The following CAB39L variants were observed in gnomAD, a reference collection of about 807,000 sequenced individuals.
CAB39L encodes the protein calcium binding protein 39 like.
A neutral mutation model predicts 39.1 loss-of-function variants in CAB39L; 23 were observed. The observed-to-expected ratio is 0.59, with a 90% CI of 0.42 to 0.83. The LOEUF is 0.83. Among genes scored for constraint, CAB39L ranks in the 40% least tolerant of loss-of-function variants. The pLI, the probability that CAB39L is intolerant of heterozygous loss-of-function variation, is 0.00. For missense variants in CAB39L, 366 were observed against 391.9 expected (o/e 0.93, Z 0.56); for synonymous variants, 126 against 137.2 (o/e 0.92, Z 0.57).
intron 10 of CAB39L, among the ~76,000 whole-genome samples, chr13:49,322,646 T>C (rs960441698): frequency 1.3e-5 from 2 of 152,206 alleles, no homozygotes; most frequent in South Asian, 4.1e-4. Context: ...AAAGAGGAAT[T>C]CATACTTCTA....
rs1217176667 is a variant in CAB39L at position 49,378,159 on chromosome 13, G to A, written c.112-1028C>T. The stretch of plus-strand genomic sequence containing the variant: ...AAGTGAGGAGCCCCTCCGCCCGGCA[G>A]CCGCCCCGTCTGAGAAGTGAGGAGC... On this transcript the variant is annotated intron_variant, in intron 4 of 10. Coordinates refer to ENST00000409308, the MANE Select transcript of CAB39L (RefSeq NM_001079670.3). Among the ~76,000 whole-genome samples the A allele has an allele frequency of 1.9e-3, 152 of 79,930 alleles. 26 individuals are homozygous for A. Among genetic ancestry groups the A allele is most frequent in the Non-Finnish European group, 3.0e-4 (12 of 40,066 alleles). 52.4% of individuals were successfully genotyped at this position (79,930 alleles called of 152,430 possible).
chr13:49,441,219 G>GTATATATATATATATA (rs1259284077), intron 1 of CAB39L, among the ~76,000 whole-genome samples: 1 of 99,680 alleles, frequency 1.0e-5, no homozygotes, highest in African/African-American at 9.6e-5. Flanking sequence ...TAATGATTTA[G>GTATATATATATATATA]TGTATATATA....
At chr13:49,378,686 A>G (rs1201150926) in intron 4 of CAB39L, among the ~76,000 whole-genome samples, 77 of 26,402 alleles carry the variant, frequency 2.9e-3, no homozygotes, top group African/African-American at 5.6e-3. Context: ...CCCTCTGCCC[A>G]GCCAGCCGCC....
At chr13:49,439,544 A>G (rs57318076) in intron 1 of CAB39L, among the ~76,000 whole-genome samples, 9,561 of 152,274 alleles carry the variant, frequency 0.063, 442 homozygotes, top group East Asian at 0.15. Flanking sequence ...GACTAGCACT[A>G]TGATGAACAT....
chr13:49,310,877 C>T lies in CAB39L; in HGVS notation c.951G>A (p.Gln317=), dbSNP rs74074542. The T allele has an allele frequency of 1.7e-3, 2,679 of 1,614,186 alleles. 58 individuals are homozygous for T. The African/African-American group carries it at 0.032, about 19-fold the overall frequency. The change falls in exon 11 of 11, where the codon CAG becomes CAA. Residue 317 remains glutamine (Q), a synonymous_variant. Transcript: ENST00000409308. ...TCAAGTAGTTCTTCTCGTCAGCGAA[C>T]TGCTCATCATCCGTCCTTTCTTTTT... The part of the protein sequence containing the change: ...SFQKERTDDE[Q]FADEKNYLIK...
intron 3 of CAB39L, among the ~76,000 whole-genome samples, chr13:49,394,116 A>T (rs1357721919): frequency 6.6e-6 from 1 of 151,764 alleles, no homozygotes; most frequent in Non-Finnish European, 1.5e-5. Context: ...GATAAATAAT[A>T]AAAAAAATTA....
chr13:49,338,531 T>C (rs1196499094), intron 9 of CAB39L, among the ~76,000 whole-genome samples: 1 of 149,364 alleles, frequency 6.7e-6, no homozygotes, highest in Admixed American at 6.6e-5. Flanking sequence ...GGGATAGCAT[T>C]GGGAGATATA....
intron 10 of CAB39L, among the ~76,000 whole-genome samples, chr13:49,330,270 AT>A (rs1273606277): frequency 6.6e-6 from 1 of 152,102 alleles, no homozygotes; most frequent in East Asian, 1.9e-4. Context: ...CCACTTTCCT[AT>A]TATTACTTTT....
intron 6 of CAB39L, among the ~76,000 whole-genome samples, chr13:49,355,575 G>A (rs1036247711): frequency 8.6e-5 from 13 of 151,844 alleles, no homozygotes; most frequent in East Asian, 5.8e-4. Flanking sequence ...GGCATATCTC[G>A]TTACACCAGA....
chr13:49,387,899 G>T (rs1287687291), intron 3 of CAB39L, among the ~76,000 whole-genome samples: 1 of 152,122 alleles, frequency 6.6e-6, no homozygotes, highest in Non-Finnish European at 1.5e-5. Context: ...TGGGTCTGGG[G>T]CAACTTCAAG....
intron 3 of CAB39L, among the ~76,000 whole-genome samples, chr13:49,396,808 A>C (rs1249479683): frequency 6.6e-6 from 1 of 152,316 alleles, no homozygotes; most frequent in Non-Finnish European, 1.5e-5. Flanking sequence ...TCAAGTGTAC[A>C]TGGCAAAAAA....
In CAB39L at chr13:49,316,606, C is replaced by T. The variant is rs78155502; in HGVS notation, c.835-5613G>A. ...TAGAAAACCAAGTCCATCACTATAT[C>T]AAAAGGATTCTATACCATGACCAAG... is the stretch of plus-strand genomic sequence containing the variant. On this transcript the variant is annotated intron_variant, in intron 10 of 10. Transcript: ENST00000409308. 7.3e-4 allele frequency among the ~76,000 whole-genome samples: 111 copies of T among 152,282 alleles called. 1 individual carries two copies. The East Asian group carries it at 0.02, about 28-fold the overall frequency.
chr13:49,343,937 A>G (rs1270604085), intron 8 of CAB39L, among the ~76,000 whole-genome samples: 1 of 152,218 alleles, frequency 6.6e-6, no homozygotes, highest in East Asian at 1.9e-4. Context: ...AGCAGGTGCT[A>G]GTCATTTATT....
chr13:49,407,936 T>C lies in CAB39L; in HGVS notation c.-31-24995A>G, dbSNP rs1181690118. ...AAATGCTATGTGAATGATAATAGTA[T>C]AAAAAAACTAGAAATCCAGGTTGCG... On this transcript the variant is annotated intron_variant, in intron 3 of 10. Transcript: ENST00000409308. 2.7e-5 allele frequency among the ~76,000 whole-genome samples: 4 copies of C among 150,340 alleles called. No homozygotes were observed. In the South Asian group the frequency reaches 8.4e-4, roughly 32 times the overall value.
At chr13:49,433,235 C>T (rs948808786) in intron 3 of CAB39L, 83 bp downstream of exon 3, 8 of 323,934 alleles carry the variant, frequency 2.5e-5, no homozygotes, top group South Asian at 2.1e-4. Context: ...ATTCCTGATA[C>T]ATTTTATTTT....
At chr13:49,411,656 A>C (rs1170023623) in intron 3 of CAB39L, among the ~76,000 whole-genome samples, 1 of 152,088 alleles carries the variant, frequency 6.6e-6, no homozygotes, top group East Asian at 1.9e-4. Flanking sequence ...GCTCTATCTC[A>C]TTCTTTTAAA....
chr13:49,436,406 T>A (rs1283070782), intron 1 of CAB39L, among the ~76,000 whole-genome samples: 3 of 152,164 alleles, frequency 2.0e-5, no homozygotes, highest in Non-Finnish European at 4.4e-5. Context: ...TTATTTTCTA[T>A]ATCAATCACT....
At chr13:49,312,593 T>C (rs1419444714) in intron 10 of CAB39L, among the ~76,000 whole-genome samples, 1 of 152,218 alleles carries the variant, frequency 6.6e-6, no homozygotes, top group Non-Finnish European at 1.5e-5. Context: ...AAATGCACTC[T>C]GTGATGTTCC....
intron 3 of CAB39L, among the ~76,000 whole-genome samples, chr13:49,412,642 G>A (rs899839165): frequency 1.3e-5 from 2 of 152,158 alleles, no homozygotes; most frequent in African/African-American, 4.8e-5. Context: ...CGTTAAGCCA[G>A]CAGTCCCCAA....
Sources: allele counts gnomAD v4.1 joint callset (sites outside exome capture counted in the v4.1 genomes callset), GRCh38; gene constraint gnomAD v4.1.1; transcripts MANE v1.5; gene names NCBI Gene and HGNC (gene_info 2026-07-23, HGNC 2026-07-21).